The following SFMBT2 variants were observed in gnomAD, a reference collection of about 807,000 sequenced individuals.
SFMBT2 encodes the protein scm-like with four MBT domains protein 2.
Under a neutral mutation model 110.1 loss-of-function variants are expected in SFMBT2, and 38 were observed. That is an observed-to-expected ratio of 0.35 (90% CI 0.27 to 0.45). The LOEUF (loss-of-function observed/expected upper bound fraction) is 0.45. Ranked by LOEUF, SFMBT2 falls within the 20% of genes least tolerant of loss-of-function variation. The pLI, the probability that SFMBT2 is intolerant of heterozygous loss-of-function variation, is 1.00. For synonymous variants in SFMBT2, 425 were observed against 425.4 expected, an observed-to-expected ratio of 1.00 and a Z score of 0.01; for missense variants, 1,011 against 1,094.9, an observed-to-expected ratio of 0.92 and a Z score of 1.08.
rs547635401 is a variant in SFMBT2, at chr10:7,278,398, C to G, written c.773-1409G>C. Among the ~76,000 whole-genome samples, 81 of 152,296 alleles carry G rather than the reference C, an allele frequency of 5.3e-4. 1 individual carries two copies. Among genetic ancestry groups the G allele is most frequent in the African/African-American group, 1.9e-3 (78 of 41,568 alleles). ...TGAGAGCGAGAGGGATACCTGTGCA[C>G]TCAGGCAAGCTCGTGGGCACTGCAT... On this transcript the variant is annotated intron_variant, in intron 6 of 20. Transcript: ENST00000397167.
intron 4 of SFMBT2, among the ~76,000 whole-genome samples, chr10:7,325,888 A>C (rs1003769019): frequency 6.6e-6 from 1 of 152,232 alleles, no homozygotes; most frequent in African/African-American, 2.4e-5. Context: ...AAGTGGGTGA[A>C]TTGCATAGTA....
intron 6 of SFMBT2, among the ~76,000 whole-genome samples, chr10:7,281,303 G>A (rs1019316275): frequency 2.0e-5 from 3 of 152,106 alleles, no homozygotes; most frequent in African/African-American, 7.2e-5. Flanking sequence ...TAACAATGGT[G>A]GTGGTGTTAG....
chr10:7,199,829 A>G (rs1262515960), intron 14 of SFMBT2, among the ~76,000 whole-genome samples: 1 of 152,256 alleles, frequency 6.6e-6, no homozygotes, highest in East Asian at 1.9e-4. Flanking sequence ...CTTAGAGAAT[A>G]GACTTTTTAA....
intron 7 of SFMBT2, among the ~76,000 whole-genome samples, chr10:7,263,181 C>T (rs1588395820): frequency 6.6e-6 from 1 of 152,134 alleles, no homozygotes; most frequent in East Asian, 1.9e-4. Flanking sequence ...CACAGAGGGA[C>T]ATGCACCAGT....
rs1846365741 is a variant in SFMBT2 at position 7,411,025 on chromosome 10, A to G, written c.-216T>C. ...GGTCCTCCGGCTCCCACTACAGCTC[A>G]TTCCAATATGGCATCCTCTCTGTGC... On this transcript the variant is annotated 5_prime_UTR_variant, in exon 1 of 21. It removes an upstream start codon present in the reference 5' UTR. Coordinates refer to ENST00000397167, the MANE Select transcript of SFMBT2 (RefSeq NM_001387889.1). Among the ~76,000 whole-genome samples the G allele has an allele frequency of 7.9e-6, 1 of 126,202 alleles. No individual in the cohort carries two copies. Among genetic ancestry groups the G allele is most frequent in the Non-Finnish European group, 1.6e-5 (1 of 63,480 alleles). The allele number at this position is 126,202 out of a possible 152,430, so 82.8% of individuals were successfully genotyped here.
chr10:7,288,678 C>T (rs896229939), intron 4 of SFMBT2, among the ~76,000 whole-genome samples: 4 of 152,150 alleles, frequency 2.6e-5, no homozygotes, highest in Non-Finnish European at 5.9e-5. Flanking sequence ...TTTGTTCCTC[C>T]TAACTATGCT....
At chr10:7,207,377 G>A (rs1417322076) in intron 11 of SFMBT2, among the ~76,000 whole-genome samples, 1 of 149,246 alleles carries the variant, frequency 6.7e-6, no homozygotes, top group African/African-American at 2.5e-5. Context: ...AGAAAGGAAG[G>A]AAGGAAGAAA....
rs781299216 is a variant in SFMBT2, at chr10:7,171,343, G to A, written c.2416-287C>T. ...GGAAACCTTGGGCCTGCTTATGAAC[G>A]AAGCATCTCTGATTAGAGAAAAGAG... On this transcript the variant is annotated intron_variant, in intron 19 of 20. Coordinates refer to ENST00000397167, the MANE Select transcript of SFMBT2 (RefSeq NM_001387889.1). This position sits in a 1 kb window ranked among gnomAD's most constrained non-coding sequence, Gnocchi z 4.9. 7.5e-5 allele frequency: 73 copies of A among 973,810 alleles called. No individual in the cohort carries two copies. Among genetic ancestry groups the A allele is most frequent in the African/African-American group, 1.2e-4 (7 of 57,034 alleles). 60.3% of individuals were successfully genotyped at this position (973,810 alleles called of 1,614,324 possible).
intron 4 of SFMBT2, among the ~76,000 whole-genome samples, chr10:7,324,126 AG>A (rs1420962668): frequency 6.6e-6 from 1 of 152,226 alleles, no homozygotes; most frequent in South Asian, 2.1e-4. Flanking sequence ...AAAGTTGTCT[AG>A]GTAGTCCCAA....
intron 2 of SFMBT2, among the ~76,000 whole-genome samples, chr10:7,377,721 A>G (rs1845280019): frequency 6.6e-6 from 1 of 152,124 alleles, no homozygotes; most frequent in Non-Finnish European, 1.5e-5. Context: ...CTCGGGCAGT[A>G]ATGTGAGCAA....
chr10:7,236,382 T>C (rs948949977), intron 9 of SFMBT2, among the ~76,000 whole-genome samples: 28 of 151,950 alleles, frequency 1.8e-4, no homozygotes, highest in Non-Finnish European at 2.8e-4. Flanking sequence ...GACTCAACAA[T>C]AGATATCAAG....
chr10:7,212,553 G>A (rs1839384394), intron 11 of SFMBT2, among the ~76,000 whole-genome samples: 1 of 152,172 alleles, frequency 6.6e-6, no homozygotes, highest in South Asian at 2.1e-4. Context: ...GAAAAGTGCT[G>A]CCTAATAATA....
intron 6 of SFMBT2, chr10:7,277,361 A>C (rs1039384581): frequency 3.8e-5 from 9 of 238,850 alleles, no homozygotes; most frequent in Non-Finnish European, 5.4e-5. Context: ...CTGATGAGGA[A>C]CTTATTATCT....
At chr10:7,251,288 A>G (rs1294176985) in intron 7 of SFMBT2, among the ~76,000 whole-genome samples, 4 of 152,140 alleles carry the variant, frequency 2.6e-5, no homozygotes, top group Admixed American at 1.3e-4. Flanking sequence ...AGCCTGGCCA[A>G]TAAGGTGAAA....
rs1305756246 is a variant in SFMBT2, at chr10:7,408,260, A to T, written c.-52+2601T>A. Among the ~76,000 whole-genome samples, 4 of 152,178 alleles carry T rather than the reference A, an allele frequency of 2.6e-5. No individual in the cohort carries two copies. Among genetic ancestry groups the T allele is most frequent in the African/African-American group, 7.2e-5 (3 of 41,438 alleles). ...GGCGCGCCCAAACGCAGGCTGGAGG[A>T]GCCACGGACGCGTCCTGGCCGGCGT... On this transcript the variant is annotated intron_variant, in intron 1 of 20. Coordinates refer to ENST00000397167, the MANE Select transcript of SFMBT2 (RefSeq NM_001387889.1). This position sits in a 1 kb window ranked among gnomAD's most constrained non-coding sequence, Gnocchi z 5.7.
intron 6 of SFMBT2, among the ~76,000 whole-genome samples, 178 bp downstream of exon 6, chr10:7,283,726 T>C (rs1051960199): frequency 2.5e-4 from 38 of 152,258 alleles, no homozygotes; most frequent in African/African-American, 8.4e-4. Context: ...AGAACACTAT[T>C]GATTGAGGTC....
chr10:7,358,178 C>A (rs537317801), intron 4 of SFMBT2, among the ~76,000 whole-genome samples: 3 of 111,966 alleles, frequency 2.7e-5, no homozygotes, highest in Admixed American at 9.7e-5. Flanking sequence ...GCCCTGTGAC[C>A]TCAACATGGC....
At chr10:7,339,504 C>T (rs964780595) in intron 4 of SFMBT2, among the ~76,000 whole-genome samples, 1 of 152,194 alleles carries the variant, frequency 6.6e-6, no homozygotes, top group Admixed American at 6.5e-5. Flanking sequence ...AAATTTCTTT[C>T]ATCAGAAATG....
intron 4 of SFMBT2, among the ~76,000 whole-genome samples, chr10:7,328,718 T>C (rs181871877): frequency 5.9e-5 from 9 of 152,352 alleles, no homozygotes; most frequent in Admixed American, 5.2e-4. Context: ...AGTGCTGAAA[T>C]AATAATAGTC....
Sources: gnomAD v4.1 joint callset for allele counts (sites outside exome capture counted in the v4.1 genomes callset) on GRCh38, gnomAD v4.1.1 for gene constraint, Gnocchi (gnomAD v3.1) non-coding constraint, MANE v1.5 for transcripts, NCBI Gene and HGNC (gene_info 2026-07-23, HGNC 2026-07-21) for gene names.